The following FIGNL1 variants were observed in gnomAD, a reference collection of about 807,000 sequenced individuals.
FIGNL1 encodes the protein fidgetin like 1.
FIGNL1 carries 11 observed loss-of-function variants against 28.9 expected under a neutral mutation model. That is an observed-to-expected ratio of 0.38 (90% confidence interval 0.24 to 0.63). The LOEUF (loss-of-function observed/expected upper bound fraction) is 0.63, where lower values mean the gene tolerates loss of function less well. Ranked by LOEUF, FIGNL1 falls within the 20% of genes least tolerant of loss-of-function variation. The pLI, the probability that FIGNL1 is intolerant of heterozygous loss-of-function variation, is 0.57. For missense variants in FIGNL1, 789 were observed against 810.4 expected, an observed-to-expected ratio of 0.97 and a Z score of 0.32; for synonymous variants, 295 against 276.5, an observed-to-expected ratio of 1.07 and a Z score of -0.66.
Position 50,446,777 on chromosome 7 carries a change from C to G in FIGNL1, c.511G>C (p.Asp171His), listed in dbSNP as rs150289225. The change falls in exon 4 of 4, where the codon GAC becomes CAC. Residue 171 changes from aspartate (D) to histidine (H), a missense_variant. By Grantham distance (81) the Asp-to-His change is moderately conservative (BLOSUM62 -1). Transcript: ENST00000433017. ...CTCTCCGGGAAGTCTTGGGTCCGGTCTCGATCATGAGCTGAGTTAGGTAAT... is the reference window on the plus strand; with the variant it reads ...CTCTCCGGGAAGTCTTGGGTCCGGTGTCGATCATGAGCTGAGTTAGGTAAT... ...DSLPNSAHDR[D>H]RTQDFPESNR... The G allele has an allele frequency of 3.2e-5, 51 of 1,613,988 alleles. No homozygotes were observed. The African/African-American group carries it at 6.7e-4, about 21-fold the overall frequency.
chr7:50,445,536 C>T lies in FIGNL1; in HGVS notation c.1752G>A (p.Glu584=), dbSNP rs758603577. 6 of 1,614,096 alleles carry T rather than the reference C, an allele frequency of 3.7e-6. No homozygotes were observed. In the South Asian group the frequency reaches 5.5e-5, roughly 15 times the overall value. The change falls in exon 4 of 4, where the codon GAG becomes GAA. Residue 584 remains glutamate (E), a synonymous_variant. Transcript: ENST00000433017. ...TTTCTTCTTCACTGAGGCAACACTG[C>T]TCTTTGGACATTAGATTAATTACTA... is the stretch of plus-strand genomic sequence containing the variant. ...KQIVINLMSK[E]QCCLSEEEIE... is the part of the protein sequence containing the mutation.
Position 50,445,707 on chromosome 7 carries a change from T to C in FIGNL1, c.1581A>G (p.Gln527=), listed in dbSNP as rs1256674545. Residue 527 remains glutamine (Q), a synonymous_variant, in exon 4 of 4, where the codon CAA becomes CAG. Coordinates refer to ENST00000433017, the MANE Select transcript of FIGNL1 (RefSeq NM_001287492.4). The stretch of plus-strand genomic sequence containing the variant: ...CAGAAGATGTTGTTGCTCCATCTAA[T>C]TGAACTAAAAATTCTGTTTTTATCC... ...SRRIKTEFLV[Q]LDGATTSSED... 6.2e-7 allele frequency: 1 copy of C among 1,614,192 alleles called. No homozygotes were observed.
Position 50,446,441 on chromosome 7 carries a change from C to G in FIGNL1, c.847G>C (p.Asp283His). Residue 283 changes from aspartate to histidine, a missense_variant, in exon 4 of 4, where the codon GAT becomes CAT. Coordinates refer to ENST00000433017, the MANE Select transcript of FIGNL1 (RefSeq NM_001287492.4). ...ILNKACSKTEDNGPKEDSSLP... is the reference protein window; with the variant it reads ...ILNKACSKTEHNGPKEDSSLP... ...CTGCTATCCTCCTTTGGGCCATTATCTTCTGTTTTACTACAAGCCTTATTC... is the reference window on the plus strand; with the variant it reads ...CTGCTATCCTCCTTTGGGCCATTATGTTCTGTTTTACTACAAGCCTTATTC... The G allele has an allele frequency of 2.5e-6, 4 of 1,614,138 alleles. No individual in the cohort carries two copies. Among genetic ancestry groups the G allele is most frequent in the Non-Finnish European group, 3.4e-6 (4 of 1,180,022 alleles).
Position 50,444,177 on chromosome 7 carries a change from T to C in FIGNL1, c.*1086A>G, listed in dbSNP as rs1293081798. On this transcript the variant is annotated 3_prime_UTR_variant, in exon 4 of 4. Transcript: ENST00000433017. ...TTAATCCAGGAATTACTCAAGAAAT[T>C]TATACATTTTTTAAAAAGATCACCA... 1.3e-5 allele frequency: 2 copies of C among 152,216 alleles called. No individual in the cohort carries two copies. The highest frequency in any genetic ancestry group is 2.9e-5 in the Non-Finnish European group (2 of 68,038). The allele number at this position is 152,216 out of a possible 1,614,324, so 9.4% of individuals were successfully genotyped here.
At position 50,446,571 on chromosome 7, in the gene FIGNL1, AT is replaced by A; in HGVS notation, c.716del (p.Asn239MetfsTer36). The A allele has an allele frequency of 6.2e-7, 1 of 1,614,138 alleles. No individual in the cohort carries two copies. Among genetic ancestry groups the A allele is most frequent in the Non-Finnish European group, 8.5e-7 (1 of 1,180,032 alleles). The stretch of plus-strand genomic sequence containing the variant: ...AACAAGACTGGTTAGATAAGAACAC[AT>A]TAAGTCCTATGTTTTCTTTTGCAGA... ...HSSAKENIGL[N>X]VFLSNQSCFP... On this transcript the variant is annotated frameshift_variant, in exon 4 of 4. Transcript: ENST00000433017. LOFTEE classifies it low-confidence loss of function (END_TRUNC).
At position 50,445,139 on chromosome 7, in the gene FIGNL1, C is replaced by G. The variant is rs1260030510; in HGVS notation, c.*124G>C. 5.1e-6 allele frequency: 3 copies of G among 587,674 alleles called. No homozygotes were observed. The highest frequency in any genetic ancestry group is 8.2e-6 in the Non-Finnish European group (3 of 364,524). The allele number at this position is 587,674 out of a possible 1,614,324, so 36.4% of individuals were successfully genotyped here. A position where few individuals can be genotyped will look rare whatever the true frequency, so the allele number is the denominator to read the frequency against. ...ATGTCAATCAGATGTAAAATCTGTG[C>G]TATTATTTGAAGTACAGAACTTAGA... On this transcript the variant is annotated 3_prime_UTR_variant, in exon 4 of 4. Coordinates refer to ENST00000433017, the MANE Select transcript of FIGNL1 (RefSeq NM_001287492.4).
chr7:50,445,585 G>A lies in FIGNL1; in HGVS notation c.1703C>T (p.Pro568Leu), dbSNP rs1345052180. The A allele has an allele frequency of 2.5e-6, 4 of 1,614,054 alleles. No homozygotes were observed. Among genetic ancestry groups the A allele is most frequent in the East Asian group, 2.2e-5 (1 of 44,890 alleles). The change falls in exon 4 of 4, where the codon CCA becomes CTA. Residue 568 changes from proline to leucine, a missense_variant. Transcript: ENST00000433017. ...TATCTGTTTCCTGGCTGAAGCTTCTGGGAGGGGAATATAAAGCCTTTTCAC... is the reference window on the plus strand; with the variant it reads ...TATCTGTTTCCTGGCTGAAGCTTCTAGGAGGGGAATATAAAGCCTTTTCAC... ...RLVKRLYIPL[P>L]EASARKQIVI...
intron 3 of FIGNL1, chr7:50,447,926 G>A (rs1159768200): frequency 6.6e-6 from 1 of 152,000 alleles, no homozygotes; most frequent in Non-Finnish European, 1.5e-5. Flanking sequence ...TAGTAGAGAT[G>A]GGGTTTCGCC....
Position 50,445,373 on chromosome 7 carries a change from T to C in FIGNL1, c.1915A>G (p.Ile639Val). The C allele has an allele frequency of 6.2e-7, 1 of 1,614,166 alleles. No individual in the cohort carries two copies. Among genetic ancestry groups the C allele is most frequent in the Non-Finnish European group, 8.5e-7 (1 of 1,180,008 alleles). Residue 639 changes from isoleucine to valine, a missense_variant, in exon 4 of 4, where the codon ATA (isoleucine) becomes GTA (valine). Physicochemically the swap from Ile to Val is conservative, Grantham distance 29 (BLOSUM62 3). Transcript: ENST00000433017. ...GCATTTTCAAAATCAATGTAAGCTA[T>C]GGGTCGAACTTGATCCGGTGTTATG... Reference protein sequence around the residue: ...ATITPDQVRPIAYIDFENAFR... With the variant: ...ATITPDQVRPVAYIDFENAFR...
chr7:50,447,761 T>C (rs1341136709), intron 3 of FIGNL1, among the ~76,000 whole-genome samples: 2 of 152,094 alleles, frequency 1.3e-5, no homozygotes, highest in South Asian at 4.1e-4. Context: ...TTTGAGACAG[T>C]GTCTCGCTCT....
In FIGNL1 at chr7:50,445,586, G is replaced by T. The variant is rs760403880; in HGVS notation, c.1702C>A (p.Pro568Thr). The T allele has an allele frequency of 2.5e-6, 4 of 1,614,144 alleles. No homozygotes were observed. Among genetic ancestry groups the T allele is most frequent in the Non-Finnish European group, 3.4e-6 (4 of 1,180,018 alleles). ...ATCTGTTTCCTGGCTGAAGCTTCTG[G>T]GAGGGGAATATAAAGCCTTTTCACC... ...RLVKRLYIPL[P>T]EASARKQIVI... The change falls in exon 4 of 4, where the codon CCA (proline) becomes ACA (threonine). Residue 568 changes from proline (P) to threonine (T), a missense_variant. Coordinates refer to ENST00000433017, the MANE Select transcript of FIGNL1 (RefSeq NM_001287492.4).
intron 3 of FIGNL1, 56 bp from the exon 4 acceptor site, chr7:50,447,353 T>TTTG: frequency 7.8e-7 from 1 of 1,284,616 alleles, no homozygotes; most frequent in East Asian, 2.5e-5. Flanking sequence ...GAAAATACTT[T>TTTG]AAATGTAATT....
rs561886274 is a variant in FIGNL1 at position 50,446,615 on chromosome 7, T to C, written c.673A>G (p.Lys225Glu). The part of the protein sequence containing the change: ...FHVTPLFGNV[K>E]KENHSSAKEN... ...TTTGCAGAGCTGTGATTTTCCTTTT[T>C]GACATTTCCAAACAATGGTGTGACA... Residue 225 changes from lysine to glutamate, a missense_variant, in exon 4 of 4, where the codon AAA becomes GAA. Transcript: ENST00000433017. The C allele has an allele frequency of 1.2e-6, 2 of 1,614,226 alleles. No individual in the cohort carries two copies. Among genetic ancestry groups the C allele is most frequent in the South Asian group, 2.2e-5 (2 of 91,084 alleles).
intron 3 of FIGNL1, 83 bp downstream of exon 3, chr7:50,448,098 T>C (rs1424559527): frequency 6.6e-6 from 1 of 152,216 alleles, no homozygotes; most frequent in East Asian, 1.9e-4. Flanking sequence ...AATCAAGCAA[T>C]GACTATGAAA....
chr7:50,447,163 T>C lies in FIGNL1; in HGVS notation c.125A>G (p.Gln42Arg), dbSNP rs1442956163. 1.9e-6 allele frequency: 3 copies of C among 1,614,248 alleles called. No homozygotes were observed. Among genetic ancestry groups the C allele is most frequent in the South Asian group, 1.1e-5 (1 of 91,086 alleles). ...AATCTCAGAGTTTGCCCATGCATAC[T>C]GAATGCGTAATATCTGTGCACGGTA... ...DAYRAQILRI[Q>R]YAWANSEISQ... Residue 42 changes from glutamine to arginine, a missense_variant, in exon 4 of 4, where the codon CAG (glutamine) becomes CGG (arginine). Transcript: ENST00000433017.
In FIGNL1 at chr7:50,446,251, T is replaced by C; in HGVS notation, c.1037A>G (p.Lys346Arg). The C allele has an allele frequency of 6.2e-7, 1 of 1,614,188 alleles. No individual in the cohort carries two copies. The highest frequency in any genetic ancestry group is 1.6e-4 in the Middle Eastern group (1 of 6,062). The change falls in exon 4 of 4, where the codon AAG becomes AGG. Residue 346 changes from lysine (K) to arginine (R), a missense_variant. Coordinates refer to ENST00000433017, the MANE Select transcript of FIGNL1 (RefSeq NM_001287492.4). ...ILGKFVPPIP[K>R]QDGGEQNGGM... is the part of the protein sequence containing the mutation. ...TCCATTCTGCTCTCCCCCATCTTGC[T>C]TGGGTATAGGAGGAACAAACTTTCC...
Position 50,446,799 on chromosome 7 carries a change from T to TA in FIGNL1, c.488dup (p.Leu163PhefsTer3), listed in dbSNP as rs778275927. ...GGTCTCGATCATGAGCTGAGTTAGG[T>TA]AATGAGTCACTCTCTTGAGAACTAC... On this transcript the variant is annotated frameshift_variant, in exon 4 of 4. Coordinates refer to ENST00000433017, the MANE Select transcript of FIGNL1 (RefSeq NM_001287492.4). LOFTEE classifies it low-confidence loss of function (END_TRUNC). 3.5e-5 allele frequency: 56 copies of TA among 1,613,970 alleles called. No individual in the cohort carries two copies. Among genetic ancestry groups the TA allele is most frequent in the African/African-American group, 5.3e-5 (4 of 74,914 alleles).
At position 50,446,311 on chromosome 7, in the gene FIGNL1, T is replaced by G; in HGVS notation, c.977A>C (p.Lys326Thr). 1 of 1,614,156 alleles carries G rather than the reference T, an allele frequency of 6.2e-7. No homozygotes were observed. The highest frequency in any genetic ancestry group is 8.5e-7 in the Non-Finnish European group (1 of 1,180,018). ...TCGGGATCTACTAGCTCCTAGAGAC[T>G]TTTTTACACCACCATATGAAGACCC... is the stretch of plus-strand genomic sequence containing the variant. The part of the protein sequence containing the change: ...ASGSSYGGVK[K>T]SLGASRSRGI... Residue 326 changes from lysine (K) to threonine (T), a missense_variant, in exon 4 of 4, where the codon AAG (lysine) becomes ACG (threonine). Physicochemically the swap from Lys to Thr is moderately conservative, Grantham distance 78 (BLOSUM62 -1). Transcript: ENST00000433017.
chr7:50,445,383 T>C lies in FIGNL1; in HGVS notation c.1905A>G (p.Gln635=). Residue 635 remains glutamine (Q), a synonymous_variant, in exon 4 of 4, where the codon CAA becomes CAG. Transcript: ENST00000433017. The part of the protein sequence containing the change: ...TADIATITPD[Q]VRPIAYIDFE... Reference sequence around the variant, plus strand: ...AATCAATGTAAGCTATGGGTCGAACTTGATCCGGTGTTATGGTAGCAATGT... The same window carrying C: ...AATCAATGTAAGCTATGGGTCGAACCTGATCCGGTGTTATGGTAGCAATGT... 6.2e-7 allele frequency: 1 copy of C among 1,614,240 alleles called. No homozygotes were observed. Among genetic ancestry groups the C allele is most frequent in the South Asian group, 1.1e-5 (1 of 91,088 alleles).
Sources: gnomAD v4.1 joint callset for allele counts (sites outside exome capture counted in the v4.1 genomes callset) on GRCh38, gnomAD v4.1.1 for gene constraint, MANE v1.5 for transcripts, NCBI Gene and HGNC (gene_info 2026-07-23, HGNC 2026-07-21) for gene names.